MUSK: variants seen among roughly 807,000 people sequenced by gnomAD.
MUSK encodes muscle, skeletal receptor tyrosine-protein kinase.
MUSK carries 55 observed loss-of-function variants against 88.7 expected under a neutral mutation model. The ratio of observed to expected loss-of-function variants is 0.62; its 90% confidence interval spans 0.50 to 0.78. MUSK has a LOEUF of 0.78. Among genes scored for constraint, MUSK ranks in the 30% least tolerant of loss-of-function variants. The pLI is 0.00. For missense variants in MUSK, 1,015 were observed against 1,074.3 expected (o/e 0.94, Z 0.77); for synonymous variants, 387 against 391.9 (o/e 0.99, Z 0.15).
intron 1 of MUSK, among the ~76,000 whole-genome samples, chr9:110,680,486 C>G (rs981837311): frequency 6.6e-6 from 1 of 150,880 alleles, no homozygotes; most frequent in Non-Finnish European, 1.5e-5. Context: ...TGGGTTCAAG[C>G]GATTATAGTA....
At chr9:110,747,280 G>A (rs147772654) in intron 6 of MUSK, among the ~76,000 whole-genome samples, 608 of 152,308 alleles carry the variant, frequency 4.0e-3, no homozygotes, top group Middle Eastern at 0.01. Flanking sequence ...GGGGATAAAC[G>A]GGCCAGGTGT....
At chr9:110,781,598 C>T (rs1291396131) in intron 11 of MUSK, among the ~76,000 whole-genome samples, 1 of 152,104 alleles carries the variant, frequency 6.6e-6, no homozygotes, top group Non-Finnish European at 1.5e-5. Flanking sequence ...TTAGTCTGTT[C>T]AGGTTGCTAT....
chr9:110,782,652 G>A (rs1470928396), intron 11 of MUSK, among the ~76,000 whole-genome samples: 3 of 152,018 alleles, frequency 2.0e-5, no homozygotes, highest in African/African-American at 7.3e-5. Flanking sequence ...TTTAATAATT[G>A]TTCCAACTTT....
At chr9:110,778,140 AAG>A (rs1294666018) in intron 11 of MUSK, among the ~76,000 whole-genome samples, 1 of 152,130 alleles carries the variant, frequency 6.6e-6, no homozygotes, top group Non-Finnish European at 1.5e-5. Flanking sequence ...GGGGTCACAA[AAG>A]AGCTGTTAAT....
intron 7 of MUSK, 121 bp downstream of exon 7, chr9:110,747,921 G>C: frequency 7.5e-7 from 1 of 1,331,356 alleles, no homozygotes; most frequent in Non-Finnish European, 1.1e-6. Flanking sequence ...TTGCATTTGG[G>C]CTATTTCCTC....
At chr9:110,681,116 A>ATT (rs2076126755) in intron 1 of MUSK, among the ~76,000 whole-genome samples, 4 of 31,454 alleles carry the variant, frequency 1.3e-4, no homozygotes, top group East Asian at 4.2e-4. Flanking sequence ...TATTATATAT[A>ATT]ATATATATTA....
At chr9:110,758,790 C>T (rs1285680323) in intron 7 of MUSK, among the ~76,000 whole-genome samples, 1 of 152,104 alleles carries the variant, frequency 6.6e-6, no homozygotes, top group Non-Finnish European at 1.5e-5. Context: ...CAAGCCAAAT[C>T]AGAAACACAA....
At chr9:110,725,733 A>T (rs1429564807) in intron 5 of MUSK, among the ~76,000 whole-genome samples, 1 of 152,066 alleles carries the variant, frequency 6.6e-6, no homozygotes, top group Non-Finnish European at 1.5e-5. Context: ...TACTAATCCC[A>T]GTTTAATTCT....
chr9:110,685,073 C>T (rs1224737675), intron 2 of MUSK, among the ~76,000 whole-genome samples: 1 of 152,038 alleles, frequency 6.6e-6, no homozygotes, highest in African/African-American at 2.4e-5. Flanking sequence ...AGTTTTTCCC[C>T]ATTCAGTATG....
chr9:110,759,980 G>A (rs1240144359), intron 7 of MUSK, among the ~76,000 whole-genome samples: 1 of 152,068 alleles, frequency 6.6e-6, no homozygotes, highest in Non-Finnish European at 1.5e-5. Context: ...AGGCTGCAGT[G>A]AGCCAAGATC....
At chr9:110,711,029 C>T (rs2076662480) in intron 5 of MUSK, among the ~76,000 whole-genome samples, 4 of 151,992 alleles carry the variant, frequency 2.6e-5, no homozygotes, top group Admixed American at 2.6e-4. Context: ...TGTTCTCACT[C>T]ATAGGTGGGA....
In MUSK at chr9:110,787,801, G is replaced by A. The variant is rs1380130572; in HGVS notation, c.1890G>A (p.Met630Ile). Residue 630 changes from methionine (M) to isoleucine (I), a missense_variant, in exon 14 of 15, where the codon ATG becomes ATA. Physicochemically the swap from Met to Ile is conservative, Grantham distance 10. Coordinates refer to ENST00000374448, the MANE Select transcript of MUSK (RefSeq NM_005592.4). ...QADFQREAAL[M>I]AEFDNPNIVK... is the part of the protein sequence containing the mutation. ...ACTTTCAGAGGGAGGCAGCCCTCAT[G>A]GCAGAATTTGACAACCCTAACATTG... The A allele has an allele frequency of 6.2e-7, 1 of 1,613,376 alleles. No individual in the cohort carries two copies. The highest frequency in any genetic ancestry group is 8.5e-7 in the Non-Finnish European group (1 of 1,179,592).
chr9:110,782,070 T>C (rs1202243266), intron 11 of MUSK, among the ~76,000 whole-genome samples: 4 of 152,242 alleles, frequency 2.6e-5, no homozygotes, highest in African/African-American at 9.6e-5. Context: ...TCTCCATTTA[T>C]TCACTTGTGT....
intron 5 of MUSK, among the ~76,000 whole-genome samples, chr9:110,708,846 C>G (rs953539499): frequency 3.9e-5 from 6 of 152,068 alleles, no homozygotes; most frequent in African/African-American, 1.4e-4. Flanking sequence ...AGAAAATGTA[C>G]TTTAAAGTAA....
chr9:110,765,907 A>G (rs1369738073), intron 8 of MUSK, among the ~76,000 whole-genome samples: 2 of 152,102 alleles, frequency 1.3e-5, no homozygotes, highest in Non-Finnish European at 1.5e-5. Flanking sequence ...GGTTCAATGA[A>G]GTATGAACAG....
chr9:110,752,657 C>T (rs1409058797), intron 7 of MUSK, among the ~76,000 whole-genome samples: 1 of 152,202 alleles, frequency 6.6e-6, no homozygotes. Context: ...TCTACTCCAT[C>T]TGTTTATTTG....
intron 2 of MUSK, among the ~76,000 whole-genome samples, chr9:110,684,229 G>A (rs1215466670): frequency 6.6e-6 from 1 of 152,092 alleles, no homozygotes; most frequent in African/African-American, 2.4e-5. Flanking sequence ...ATCATTTACT[G>A]AAGAGACTGT....
chr9:110,730,049 T>C (rs2076943222), intron 5 of MUSK, among the ~76,000 whole-genome samples: 1 of 152,040 alleles, frequency 6.6e-6, no homozygotes, highest in African/African-American at 2.4e-5. Context: ...ATAATGTGGG[T>C]ATGTTATAAA....
At chr9:110,790,028 T>G (rs959866068) in intron 14 of MUSK, among the ~76,000 whole-genome samples, 1 of 152,036 alleles carries the variant, frequency 6.6e-6, no homozygotes, top group African/African-American at 2.4e-5. Context: ...ATTCCAGTAT[T>G]TAGTGTGAGA....
Sources: gnomAD v4.1 joint callset for allele counts (sites outside exome capture counted in the v4.1 genomes callset) on GRCh38, gnomAD v4.1.1 for gene constraint, MANE v1.5 for transcripts, NCBI Gene and HGNC (gene_info 2026-07-23, HGNC 2026-07-21) for gene names.